The following INPP4B variants were observed in gnomAD, a reference collection of about 807,000 sequenced individuals.
The protein encoded by INPP4B is inositol polyphosphate 4-phosphatase type II.
In INPP4B, 55 loss-of-function variants were observed where a neutral mutation model predicts 122.5. That is an observed-to-expected ratio of 0.45 (90% CI 0.36 to 0.56). The LOEUF is 0.56. INPP4B is among the 20% of genes least tolerant of loss of function. The probability of loss-of-function intolerance (pLI) is 0.00; values close to 1 mark genes in which losing one functional copy is unlikely to be tolerated. For synonymous variants in INPP4B, 403 were observed against 388.7 expected, an observed-to-expected ratio of 1.04 and a Z score of -0.43; for missense variants, 1,000 against 1,097.7, an observed-to-expected ratio of 0.91 and a Z score of 1.26.
At chr4:142,233,221 T>G (rs1855215730) in intron 12 of INPP4B, among the ~76,000 whole-genome samples, 1 of 151,412 alleles carries the variant, frequency 6.6e-6, no homozygotes, top group Non-Finnish European at 1.5e-5. Context: ...TGTGTGTGAG[T>G]GAGTGTATGT....
At chr4:142,500,995 T>G (rs1450506626) in intron 2 of INPP4B, among the ~76,000 whole-genome samples, 3 of 152,186 alleles carry the variant, frequency 2.0e-5, no homozygotes, top group African/African-American at 7.2e-5. Context: ...ATTGTAAAAT[T>G]AAACATTTGT....
Position 142,587,988 on chromosome 4 carries a change from T to C in INPP4B, c.-190-125262A>G, listed in dbSNP as rs1736601586. On this transcript the variant is annotated intron_variant, in intron 2 of 25. Coordinates refer to ENST00000262992, the MANE Select transcript of INPP4B (RefSeq NM_001101669.3). ...ACTATGTATGAAAAAGTGATATTTA[T>C]TTCAGTTATGCAAGTCTGGGTCAAC... 2.0e-5 allele frequency among the ~76,000 whole-genome samples: 3 copies of C among 151,996 alleles called. No homozygotes were observed. The South Asian group carries it at 6.2e-4, about 31-fold the overall frequency.
chr4:142,462,291 T>G (rs551498609), intron 3 of INPP4B, among the ~76,000 whole-genome samples: 1 of 152,306 alleles, frequency 6.6e-6, no homozygotes, highest in African/African-American at 2.4e-5. Flanking sequence ...TGATATCTAC[T>G]GAATCTCCTC....
chr4:142,414,659 C>T (rs1221461105), intron 5 of INPP4B, among the ~76,000 whole-genome samples: 1 of 152,134 alleles, frequency 6.6e-6, no homozygotes, highest in Non-Finnish European at 1.5e-5. Flanking sequence ...TTTTGTCTTG[C>T]TTTCATGAAT....
At chr4:142,108,669 C>A (rs336332) in intron 22 of INPP4B, among the ~76,000 whole-genome samples, 1 of 151,956 alleles carries the variant, frequency 6.6e-6, no homozygotes, top group Non-Finnish European at 1.5e-5. Flanking sequence ...TGTAGGCACA[C>A]GTAGAGCCAG....
intron 15 of INPP4B, among the ~76,000 whole-genome samples, chr4:142,180,377 T>A (rs945661804): frequency 6.6e-6 from 1 of 152,160 alleles, no homozygotes; most frequent in African/African-American, 2.4e-5. Flanking sequence ...CCATGTTAAA[T>A]CTGACAATAC....
chr4:142,803,547 A>G (rs1311455126), intron 1 of INPP4B, among the ~76,000 whole-genome samples: 1 of 151,946 alleles, frequency 6.6e-6, no homozygotes. Context: ...ATTTTACTAC[A>G]GAGATAGAAC....
chr4:142,422,274 G>A (rs1807064612), intron 5 of INPP4B, among the ~76,000 whole-genome samples: 1 of 152,044 alleles, frequency 6.6e-6, no homozygotes, highest in Non-Finnish European at 1.5e-5. Context: ...AACAGCATAT[G>A]GCAAACAAGT....
At chr4:142,254,304 C>T (rs1300228695) in intron 11 of INPP4B, among the ~76,000 whole-genome samples, 1 of 141,024 alleles carries the variant, frequency 7.1e-6, no homozygotes, top group African/African-American at 2.5e-5. Context: ...CGCCTCTCCT[C>T]CTCCAAAGGA....
intron 9 of INPP4B, among the ~76,000 whole-genome samples, chr4:142,304,061 T>A (rs2151168959): frequency 6.6e-6 from 1 of 152,258 alleles, no homozygotes; most frequent in South Asian, 2.1e-4. Context: ...TGTGAGTCAG[T>A]AAGATGAAGA....
chr4:142,365,596 T>G (rs1787155155), intron 7 of INPP4B, among the ~76,000 whole-genome samples: 1 of 152,142 alleles, frequency 6.6e-6, no homozygotes, highest in Non-Finnish European at 1.5e-5. Context: ...ATTTCAGACA[T>G]GTGGCTACAT....
intron 7 of INPP4B, among the ~76,000 whole-genome samples, chr4:142,397,345 G>A (rs1257796161): frequency 6.6e-6 from 1 of 152,156 alleles, no homozygotes; most frequent in East Asian, 1.9e-4. Context: ...GCAAAAGTTT[G>A]AGACATAAAC....
intron 25 of INPP4B, among the ~76,000 whole-genome samples, chr4:142,032,664 T>C (rs186374667): frequency 2.6e-5 from 4 of 152,194 alleles, no homozygotes; most frequent in African/African-American, 9.6e-5. Context: ...AGACCAGCTG[T>C]TTCAAGCTTG....
chr4:142,410,213 G>A (rs908632438), intron 5 of INPP4B, among the ~76,000 whole-genome samples: 5 of 152,200 alleles, frequency 3.3e-5, no homozygotes, highest in Non-Finnish European at 5.9e-5. Context: ...TCGAATTCAA[G>A]TAGTTGTAAA....
intron 5 of INPP4B, among the ~76,000 whole-genome samples, chr4:142,413,139 TTGGCATTAA>T (rs1337085119): frequency 6.6e-6 from 1 of 152,160 alleles, no homozygotes; most frequent in Non-Finnish European, 1.5e-5. Flanking sequence ...TGTATAAAAG[TTGGCATTAA>T]AAAATTAGAA....
At chr4:142,150,638 G>C (rs987238883) in intron 17 of INPP4B, among the ~76,000 whole-genome samples, 3 of 152,134 alleles carry the variant, frequency 2.0e-5, no homozygotes, top group Non-Finnish European at 4.4e-5. Flanking sequence ...TCTGAGTCAG[G>C]TGCTCATTTA....
intron 8 of INPP4B, among the ~76,000 whole-genome samples, chr4:142,308,762 C>T (rs889439850): frequency 2.0e-5 from 3 of 151,726 alleles, no homozygotes; most frequent in African/African-American, 7.3e-5. Context: ...ATTCAAGGGA[C>T]AGTGTTTTCT....
At chr4:142,669,173 C>T (rs1756624472) in intron 2 of INPP4B, among the ~76,000 whole-genome samples, 2 of 152,038 alleles carry the variant, frequency 1.3e-5, no homozygotes, top group African/African-American at 2.4e-5. Context: ...TAAAATGACA[C>T]AAATAAATGG....
At chr4:142,074,295 G>T (rs547196922) in intron 25 of INPP4B, among the ~76,000 whole-genome samples, 1 of 152,130 alleles carries the variant, frequency 6.6e-6, no homozygotes, top group South Asian at 2.1e-4. Context: ...AATCTGGATG[G>T]CCAGTAAATG....
Sources: allele counts gnomAD v4.1 joint callset (sites outside exome capture counted in the v4.1 genomes callset), GRCh38; gene constraint gnomAD v4.1.1; transcripts MANE v1.5; gene names NCBI Gene and HGNC (gene_info 2026-07-23, HGNC 2026-07-21).